Variants in C3orf49 observed in about 807,000 individuals in gnomAD.
C3orf49 encodes putative uncharacterized protein C3orf49.
In C3orf49, 27 loss-of-function variants were observed where a neutral mutation model predicts 13.3. The ratio of observed to expected loss-of-function variants is 2.02; its 90% CI spans 1.49 to 2.79. The LOEUF (loss-of-function observed/expected upper bound fraction) is 2.79. Among genes scored for constraint, C3orf49 ranks in the 30% most tolerant of loss-of-function variants. The probability of loss-of-function intolerance (pLI) is 0.00; values close to 1 mark genes in which losing one functional copy is unlikely to be tolerated. For missense variants in C3orf49, 242 were observed against 134.2 expected (o/e 1.80, Z -3.97); for synonymous variants, 87 against 47.6 (o/e 1.83, Z -3.40).
At chr3:63,801,276 T>C in the C3orf49 span, among the ~76,000 whole-genome samples, 1 of 151,532 alleles carries the variant, frequency 6.6e-6, no homozygotes, top group African/African-American at 2.4e-5. Context: ...TTTTTTATAG[T>C]AGAGAACATG....
chr3:63,848,279 G>A (rs187110387), intron 6 of C3orf49, 85 bp from the exon 7 acceptor site: 21 of 152,244 alleles, frequency 1.4e-4, no homozygotes, highest in Admixed American at 8.5e-4. Context: ...TGTGAAGCCT[G>A]CTAGCTGGAG....
intron 6 of C3orf49, among the ~76,000 whole-genome samples, chr3:63,847,150 T>A (rs1365432874): frequency 2.0e-5 from 3 of 152,040 alleles, no homozygotes; most frequent in Non-Finnish European, 4.4e-5. Context: ...CTAAAAAAAA[T>A]TTCTAGGAAA....
At chr3:63,795,005 G>A in the C3orf49 span, among the ~76,000 whole-genome samples, 3 of 152,114 alleles carry the variant, frequency 2.0e-5, no homozygotes, top group Non-Finnish European at 2.9e-5. Context: ...TTGCCGTCCC[G>A]TCTCCCTTTG....
the C3orf49 span, among the ~76,000 whole-genome samples, chr3:63,781,542 C>T: frequency 2.0e-5 from 3 of 152,024 alleles, no homozygotes; most frequent in African/African-American, 7.2e-5. Context: ...TCATTGGTAG[C>T]TTGATGGGGA....
intron 4 of C3orf49, 97 bp downstream of exon 4, chr3:63,831,320 T>C: frequency 1.6e-6 from 1 of 634,714 alleles, no homozygotes; most frequent in Non-Finnish European, 2.8e-6. Context: ...GGGTGTGGGA[T>C]GAAATTAATG....
the C3orf49 span, chr3:63,783,057 T>G: frequency 6.6e-6 from 1 of 152,144 alleles, no homozygotes; most frequent in African/African-American, 2.4e-5. Flanking sequence ...AGATGAATGT[T>G]CATATCCATA....
chr3:63,804,992 A>T, the C3orf49 span: 1 of 152,226 alleles, frequency 6.6e-6, no homozygotes, highest in Admixed American at 6.5e-5. Flanking sequence ...TTCATTTTAA[A>T]GACCTTGTGG....
chr3:63,834,568 G>C (rs903989402), intron 5 of C3orf49, among the ~76,000 whole-genome samples: 1 of 151,820 alleles, frequency 6.6e-6, no homozygotes, highest in Non-Finnish European at 1.5e-5. Context: ...GCTGAGGCAG[G>C]AGAATCACTT....
intron 5 of C3orf49, chr3:63,838,097 C>T: frequency 6.6e-7 from 1 of 1,520,170 alleles, no homozygotes; most frequent in South Asian, 1.2e-5. Flanking sequence ...ATAGTTGTAA[C>T]AAAATCAATA....
At chr3:63,831,602 A>T in intron 4 of C3orf49, 78 bp from the exon 5 acceptor site, 1 of 667,388 alleles carries the variant, frequency 1.5e-6, no homozygotes, top group East Asian at 2.7e-5. Context: ...CTCTTCTCTC[A>T]GGAAAAGCAA....
the C3orf49 span, among the ~76,000 whole-genome samples, chr3:63,804,003 C>T: frequency 4.6e-5 from 7 of 151,708 alleles, no homozygotes; most frequent in African/African-American, 1.5e-4. Context: ...ATAAGGAGAA[C>T]GCAACCTAGA....
At chr3:63,788,037 T>C in the C3orf49 span, among the ~76,000 whole-genome samples, 2 of 152,194 alleles carry the variant, frequency 1.3e-5, no homozygotes, top group African/African-American at 4.8e-5. Flanking sequence ...AGTTAGAGCC[T>C]CTCCAACAGC....
At chr3:63,833,402 G>A (rs1027787323) in intron 5 of C3orf49, among the ~76,000 whole-genome samples, 6 of 151,860 alleles carry the variant, frequency 4.0e-5, no homozygotes, top group Non-Finnish European at 7.4e-5. Flanking sequence ...CCTGGCCTAC[G>A]CAAAACAATC....
chr3:63,823,305 G>A lies in C3orf49; in HGVS notation c.181G>A (p.Glu61Lys). Residue 61 changes from glutamate to lysine, a missense_variant, in exon 2 of 7, where the codon GAG (glutamate) becomes AAG (lysine). Glu to Lys is a moderately conservative substitution (Grantham distance 56). Coordinates refer to ENST00000295896, the MANE Select transcript of C3orf49 (RefSeq NM_001355236.2). ...AAAACAAAATGTATTGGTCCCTAAA[G>A]AGGAATCATCCAGTGATAGTGACAT... The part of the protein sequence containing the change: ...LLKQNVLVPK[E>K]ESSSDSDMGF... The A allele has an allele frequency of 1.4e-6, 1 of 703,060 alleles. No individual in the cohort carries two copies. Among genetic ancestry groups the A allele is most frequent in the Non-Finnish European group, 2.6e-6 (1 of 385,022 alleles). The allele number at this position is 703,060 out of a possible 1,614,324, so 43.6% of individuals were successfully genotyped here.
the C3orf49 span, among the ~76,000 whole-genome samples, chr3:63,810,758 A>G: frequency 3.1e-3 from 475 of 152,364 alleles, 1 homozygote; most frequent in Middle Eastern, 0.014. Context: ...CTAAAGGTAT[A>G]TTCTGAAAAA....
upstream of C3orf49, among the ~76,000 whole-genome samples, chr3:63,817,299 A>G (rs1053610753): frequency 3.3e-5 from 5 of 152,010 alleles, no homozygotes; most frequent in Non-Finnish European, 7.4e-5. Context: ...TTTTTTCATA[A>G]CATTTACTAC....
At chr3:63,784,302 T>C in the C3orf49 span, among the ~76,000 whole-genome samples, 1 of 152,210 alleles carries the variant, frequency 6.6e-6, no homozygotes, top group East Asian at 1.9e-4. Context: ...AATCTGGGGA[T>C]TTATAAATAC....
chr3:63,834,082 G>T, intron 5 of C3orf49: 13 of 1,579,388 alleles, frequency 8.2e-6, no homozygotes, highest in Non-Finnish European at 1.1e-5. Flanking sequence ...AACACATTAT[G>T]GTCATGTAGC....
At chr3:63,789,888 A>C in the C3orf49 span, among the ~76,000 whole-genome samples, 1 of 151,370 alleles carries the variant, frequency 6.6e-6, no homozygotes, top group African/African-American at 2.4e-5. Flanking sequence ...TTCACACTTT[A>C]CATGAAATCC....
Sources: gnomAD v4.1 joint callset for allele counts (sites outside exome capture counted in the v4.1 genomes callset) on GRCh38, gnomAD v4.1.1 for gene constraint, MANE v1.5 for transcripts, NCBI Gene and HGNC (gene_info 2026-07-23, HGNC 2026-07-21) for gene names.